Variants in MACROD1 observed in about 807,000 individuals in gnomAD.
MACROD1 encodes mono-ADP ribosylhydrolase 1.
Under a neutral mutation model 41.4 loss-of-function variants are expected in MACROD1, and 31 were observed. The ratio of observed to expected loss-of-function variants is 0.75; its 90% confidence interval spans 0.56 to 1.01. MACROD1 has a LOEUF of 1.01. Among genes scored for constraint, MACROD1 ranks in the 50% least tolerant of loss-of-function variants. MACROD1 has a pLI of 0.00. For missense variants in MACROD1, 473 were observed against 460.0 expected, an observed-to-expected ratio of 1.03 and a Z score of -0.26; for synonymous variants, 252 against 203.4, an observed-to-expected ratio of 1.24 and a Z score of -2.03.
intron 3 of MACROD1, among the ~76,000 whole-genome samples, chr11:64,098,970 C>T (rs1237659687): frequency 1.3e-5 from 2 of 152,232 alleles, no homozygotes; most frequent in Admixed American, 6.5e-5. Context: ...GAATTAATAT[C>T]AGAGAGCTCC....
At chr11:64,079,012 G>A (rs1944256610) in intron 3 of MACROD1, among the ~76,000 whole-genome samples, 1 of 152,130 alleles carries the variant, frequency 6.6e-6, no homozygotes, top group African/African-American at 2.4e-5. Flanking sequence ...AGGGGAGGGT[G>A]GTGATGGGAC....
chr11:64,059,688 C>T (rs1227240782), intron 3 of MACROD1, among the ~76,000 whole-genome samples: 1 of 152,182 alleles, frequency 6.6e-6, no homozygotes, highest in Non-Finnish European at 1.5e-5. Flanking sequence ...GAAACTGAGG[C>T]CTAGGCACAG....
intron 1 of MACROD1, among the ~76,000 whole-genome samples, chr11:64,159,833 G>C (rs950589891): frequency 6.6e-6 from 1 of 152,090 alleles, no homozygotes; most frequent in African/African-American, 2.4e-5. Flanking sequence ...AAATAAATTA[G>C]AGAAAGTAAC....
chr11:64,097,932 G>A (rs1354113358), intron 3 of MACROD1, among the ~76,000 whole-genome samples: 2 of 152,104 alleles, frequency 1.3e-5, no homozygotes, highest in African/African-American at 4.8e-5. Context: ...CTCCAGTGAG[G>A]AGAAGGAGGC....
At chr11:64,037,531 C>T (rs534912164) in intron 3 of MACROD1, among the ~76,000 whole-genome samples, 2 of 152,288 alleles carry the variant, frequency 1.3e-5, no homozygotes, top group East Asian at 3.9e-4. Context: ...GGGCCCGTGC[C>T]TGGGAGGGGA....
intron 3 of MACROD1, among the ~76,000 whole-genome samples, chr11:64,052,378 G>C (rs920651598): frequency 6.6e-6 from 1 of 152,212 alleles, no homozygotes; most frequent in Non-Finnish European, 1.5e-5. Flanking sequence ...AGTCTCACTA[G>C]GCTGCCCAGG....
chr11:64,069,468 A>G (rs1944065766), intron 3 of MACROD1, among the ~76,000 whole-genome samples: 1 of 152,206 alleles, frequency 6.6e-6, no homozygotes, highest in Non-Finnish European at 1.5e-5. Flanking sequence ...GCTGCTGGCC[A>G]GTCTGGTCCC....
At chr11:64,049,303 A>G (rs1943645852) in intron 3 of MACROD1, among the ~76,000 whole-genome samples, 3 of 152,218 alleles carry the variant, frequency 2.0e-5, no homozygotes, top group South Asian at 2.1e-4. Context: ...CAGGATCCCC[A>G]AAGCCTTGGG....
intron 3 of MACROD1, among the ~76,000 whole-genome samples, chr11:64,144,046 C>T (rs1004652054): frequency 6.6e-6 from 1 of 151,702 alleles, no homozygotes; most frequent in African/African-American, 2.4e-5. Context: ...CTCCCTGCCC[C>T]CATTTTTCCA....
At chr11:64,008,741 G>T (rs1942955349) in intron 4 of MACROD1, among the ~76,000 whole-genome samples, 2 of 152,168 alleles carry the variant, frequency 1.3e-5, no homozygotes, top group Non-Finnish European at 2.9e-5. Flanking sequence ...ACCCACACAG[G>T]CAGGCTCGGC....
At chr11:64,151,601 T>A (rs372749873) in intron 2 of MACROD1, among the ~76,000 whole-genome samples, 1 of 152,162 alleles carries the variant, frequency 6.6e-6, no homozygotes, top group African/African-American at 2.4e-5. Flanking sequence ...GCCAATATCA[T>A]CTATCCCATT....
intron 3 of MACROD1, among the ~76,000 whole-genome samples, chr11:64,025,953 C>T (rs1374592861): frequency 6.6e-6 from 1 of 152,002 alleles, no homozygotes; most frequent in Non-Finnish European, 1.5e-5. Flanking sequence ...GAGGCCGAGG[C>T]GGGTATATCA....
chr11:64,065,642 T>C (rs1246799897), intron 3 of MACROD1, among the ~76,000 whole-genome samples: 1 of 151,384 alleles, frequency 6.6e-6, no homozygotes, highest in Non-Finnish European at 1.5e-5. Flanking sequence ...TACAAAAAAT[T>C]AGCCAGGCAT....
intron 4 of MACROD1, among the ~76,000 whole-genome samples, chr11:64,012,126 GC>G (rs979351653): frequency 1.3e-5 from 2 of 152,118 alleles, no homozygotes; most frequent in African/African-American, 2.4e-5. Flanking sequence ...AGGGGCACCC[GC>G]CCCGTCCATC....
At chr11:64,113,007 T>C (rs1483551057) in intron 3 of MACROD1, among the ~76,000 whole-genome samples, 1 of 152,172 alleles carries the variant, frequency 6.6e-6, no homozygotes, top group Non-Finnish European at 1.5e-5. Context: ...TTTGGTGACA[T>C]GAAAACACCA....
In MACROD1 at chr11:64,008,376, G is replaced by A. The variant is rs187208116; in HGVS notation, c.547+6876C>T. Among the ~76,000 whole-genome samples, 16 of 21,094 alleles carry A rather than the reference G, an allele frequency of 7.6e-4. No individual in the cohort carries two copies. The East Asian group carries it at 0.024, about 32-fold the overall frequency. 13.8% of individuals were successfully genotyped at this position (21,094 alleles called of 152,430 possible). A position where few individuals can be genotyped will look rare whatever the true frequency, so the allele number is the denominator to read the frequency against. ...TGGGTGGCGGCTTCTGAGCAGGTGA[G>A]GGAGTCTGCGGTGGGGCCTGGGGAG... On this transcript the variant is annotated intron_variant, in intron 4 of 10. Coordinates refer to ENST00000255681, the MANE Select transcript of MACROD1 (RefSeq NM_014067.4).
At chr11:64,154,500 G>C (rs148938030) in intron 1 of MACROD1, among the ~76,000 whole-genome samples, 93 of 151,962 alleles carry the variant, frequency 6.1e-4, no homozygotes, top group African/African-American at 2.1e-3. Context: ...TCTGTTCCTT[G>C]ACCGGCAGCC....
chr11:64,090,518 C>G lies in MACROD1; in HGVS notation c.517+60721G>C, dbSNP rs564906954. ...AAATAACCACATTTGCTTCCCCGGGCCCTCCCTCGACCGGCTCTGCCTGCT... is the reference window on the plus strand; with the variant it reads ...AAATAACCACATTTGCTTCCCCGGGGCCTCCCTCGACCGGCTCTGCCTGCT... On this transcript the variant is annotated intron_variant, in intron 3 of 10. Transcript: ENST00000255681. The surrounding 1 kb of genome is among the most constrained non-coding windows in gnomAD (Gnocchi z 4.7). Among the ~76,000 whole-genome samples, 1 of 152,198 alleles carries G rather than the reference C, an allele frequency of 6.6e-6. No individual in the cohort carries two copies. The highest frequency in any genetic ancestry group is 2.4e-5 in the African/African-American group (1 of 41,530).
At chr11:64,065,216 A>G (rs1943974889) in intron 3 of MACROD1, among the ~76,000 whole-genome samples, 1 of 152,204 alleles carries the variant, frequency 6.6e-6, no homozygotes, top group Admixed American at 6.5e-5. Context: ...AGAGAGGCCC[A>G]GAGATGAAGA....
Sources: gnomAD v4.1 joint callset for allele counts (sites outside exome capture counted in the v4.1 genomes callset) on GRCh38, gnomAD v4.1.1 for gene constraint, Gnocchi (gnomAD v3.1) non-coding constraint, MANE v1.5 for transcripts, NCBI Gene and HGNC (gene_info 2026-07-23, HGNC 2026-07-21) for gene names.